APTX: variants seen among roughly 807,000 people sequenced by gnomAD.
APTX encodes aprataxin, also known as forkhead-associated domain histidine triad-like protein.
In APTX, 33 loss-of-function variants were observed where a neutral mutation model predicts 42.3. The observed-to-expected ratio is 0.78, with a 90% CI of 0.59 to 1.04. The LOEUF is 1.04. Among genes scored for constraint, APTX ranks in the 50% least tolerant of loss-of-function variants. APTX has a pLI of 0.00. For missense variants in APTX, 421 were observed against 415.1 expected, an observed-to-expected ratio of 1.01 and a Z score of -0.12; for synonymous variants, 130 against 146.7, an observed-to-expected ratio of 0.89 and a Z score of 0.82.
Position 32,982,169 on chromosome 9 carries a change from G to A in APTX, c.770+2462C>T, listed in dbSNP as rs548090182. 2.6e-5 allele frequency among the ~76,000 whole-genome samples: 4 copies of A among 152,062 alleles called. No homozygotes were observed. In the South Asian group the frequency reaches 6.2e-4, roughly 24 times the overall value. ...TTCAGTGATTAAAAAAATGCATAAC[G>A]TCAACCTAATCATGAAAAACAAAAT... On this transcript the variant is annotated intron_variant, in intron 6 of 7. Transcript: ENST00000379817.
At chr9:32,991,301 A>C (rs1833570383) in intron 1 of APTX, among the ~76,000 whole-genome samples, 1 of 152,228 alleles carries the variant, frequency 6.6e-6, no homozygotes, top group South Asian at 2.1e-4. Context: ...GGAAGTGCTG[A>C]TATTCTTTTG....
Position 32,973,634 on chromosome 9 carries a change from T to A in APTX, c.893A>T (p.Gln298Leu), listed in dbSNP as rs1461051478. Residue 298 changes from glutamine to leucine, a missense_variant, in exon 8 of 8, where the codon CAA becomes CTA. Gln to Leu is a moderately radical substitution (Grantham distance 113, BLOSUM62 -2). Transcript: ENST00000379817. ...TCGGACAGTTACTCTACCAGCCTCT[T>A]GTACCATCTCGATCACAGCTGCAGG... Reference protein sequence around the residue: ...LESQAVIEMVQEAGRVTVRDG... With the variant: ...LESQAVIEMVLEAGRVTVRDG... The A allele has an allele frequency of 6.2e-7, 1 of 1,613,466 alleles. No individual in the cohort carries two copies. The highest frequency in any genetic ancestry group is 1.1e-5 in the South Asian group (1 of 91,040).
chr9:32,975,564 T>A (rs1045331867), intron 6 of APTX, among the ~76,000 whole-genome samples: 3 of 152,108 alleles, frequency 2.0e-5, no homozygotes, highest in African/African-American at 7.2e-5. Context: ...CTGGGCGTGG[T>A]GGCAGGTGCC....
chr9:32,988,846 G>T (rs527565072), intron 2 of APTX, among the ~76,000 whole-genome samples: 30 of 152,322 alleles, frequency 2.0e-4, no homozygotes, highest in Admixed American at 6.5e-4. Flanking sequence ...CAGAAACTCA[G>T]GTGGCTTTGG....
chr9:33,004,613 CCA>C (rs1836990157), upstream of APTX, among the ~76,000 whole-genome samples: 2 of 150,068 alleles, frequency 1.3e-5, no homozygotes, highest in South Asian at 2.1e-4. Context: ...TCCAATTTCT[CCA>C]CATTCTTGCC....
chr9:32,983,363 G>A (rs1478392157), intron 6 of APTX, among the ~76,000 whole-genome samples: 1 of 151,486 alleles, frequency 6.6e-6, no homozygotes, highest in Non-Finnish European at 1.5e-5. Context: ...GCTTGAGGGA[G>A]GATTAACTGG....
chr9:33,014,732 A>T (rs2119258693), intron 1 of APTX, among the ~76,000 whole-genome samples: 1 of 152,368 alleles, frequency 6.6e-6, no homozygotes, highest in Non-Finnish European at 1.5e-5. Context: ...GATCACCAAG[A>T]CAGTCCTCCA....
intron 5 of APTX, among the ~76,000 whole-genome samples, chr9:32,985,335 T>G (rs867681679): frequency 0.37 from 51,871 of 138,648 alleles, 9,760 homozygotes; most frequent in South Asian, 0.52. Context: ...TGTTTTTTTT[T>G]TTTTTTTTTT....
chr9:32,988,210 C>T, intron 2 of APTX, 81 bp from the exon 3 acceptor site: 1 of 1,298,372 alleles, frequency 7.7e-7, no homozygotes, highest in African/African-American at 1.5e-5. Context: ...AGAAAACAAG[C>T]TTCACTACAG....
In APTX at chr9:33,017,634, A is replaced by G. The variant is rs115686109; in HGVS notation, c.-5+7389T>C. Among the ~76,000 whole-genome samples the G allele has an allele frequency of 4.0e-3, 605 of 152,294 alleles. 7 individuals carry two copies. The highest frequency in any genetic ancestry group is 0.014 in the African/African-American group (583 of 41,562). ...TTCTCACAACCGCCTTAGAGTCAAT[A>G]ATTTGCTAGAACAGCTCACAGAACT... On this transcript the variant is annotated intron_variant, in intron 1 of 6. Coordinates refer to the APTX transcript ENST00000436040.
chr9:33,000,514 G>A (rs1563989846), intron 1 of APTX, among the ~76,000 whole-genome samples: 1 of 151,188 alleles, frequency 6.6e-6, no homozygotes, highest in African/African-American at 2.4e-5. Context: ...TGTAATCCCA[G>A]CTCCTTGGGA....
intron 1 of APTX, among the ~76,000 whole-genome samples, chr9:33,010,610 T>G (rs1047074003): frequency 6.6e-6 from 1 of 151,462 alleles, no homozygotes; most frequent in African/African-American, 2.4e-5. Flanking sequence ...CCCCAGCTAC[T>G]CAGGAGGCTG....
chr9:32,987,412 A>T, intron 4 of APTX, 132 bp downstream of exon 4: 1 of 1,303,298 alleles, frequency 7.7e-7, no homozygotes, highest in Non-Finnish European at 1.1e-6. Flanking sequence ...TTTTCACGCC[A>T]CAAACAAGTG....
At chr9:32,999,609 T>A (rs988135378) in intron 1 of APTX, among the ~76,000 whole-genome samples, 2 of 152,204 alleles carry the variant, frequency 1.3e-5, no homozygotes, top group African/African-American at 4.8e-5. Flanking sequence ...CTTGATGACT[T>A]TAAAAGGGAA....
intron 1 of APTX, among the ~76,000 whole-genome samples, chr9:32,998,379 T>C (rs1241822198): frequency 6.6e-6 from 1 of 152,152 alleles, no homozygotes; most frequent in Non-Finnish European, 1.5e-5. Context: ...GTCACATAGG[T>C]ATAATCATTT....
chr9:32,980,217 A>C (rs1830384730), intron 6 of APTX: 1 of 152,634 alleles, frequency 6.6e-6, no homozygotes, highest in African/African-American at 2.4e-5. Flanking sequence ...ACTGTTAAAG[A>C]TGTAACTTCT....
chr9:33,005,195 T>C (rs1445586706), upstream of APTX, among the ~76,000 whole-genome samples: 1 of 152,206 alleles, frequency 6.6e-6, no homozygotes, highest in Non-Finnish European at 1.5e-5. Flanking sequence ...TCCCATTTCA[T>C]AGGGTGCTTT....
chr9:32,979,098 G>C (rs1428225255), intron 6 of APTX, among the ~76,000 whole-genome samples: 1 of 152,050 alleles, frequency 6.6e-6, no homozygotes, highest in Non-Finnish European at 1.5e-5. Flanking sequence ...TAGGTAAATT[G>C]TATGTCACAG....
At chr9:33,008,500 C>T (rs1203271463) in intron 1 of APTX, among the ~76,000 whole-genome samples, 1 of 151,808 alleles carries the variant, frequency 6.6e-6, no homozygotes, top group Non-Finnish European at 1.5e-5. Context: ...CTCGGCCTCC[C>T]AAAGTGCTGG....
Sources: gnomAD v4.1 joint callset for allele counts (sites outside exome capture counted in the v4.1 genomes callset) on GRCh38, gnomAD v4.1.1 for gene constraint, MANE v1.5 for transcripts, NCBI Gene and HGNC (gene_info 2026-07-23, HGNC 2026-07-21) for gene names.